Variants in PDE10A observed in about 807,000 individuals in gnomAD.
PDE10A encodes cAMP and cAMP-inhibited cGMP 3',5'-cyclic phosphodiesterase 10A.
Under a neutral mutation model 97.7 loss-of-function variants are expected in PDE10A, and 39 were observed. The ratio of observed to expected loss-of-function variants is 0.40; its 90% CI spans 0.31 to 0.52. The LOEUF (loss-of-function observed/expected upper bound fraction) is 0.52, where lower values mean the gene tolerates loss of function less well. PDE10A is among the 20% of genes least tolerant of loss of function. The pLI is 0.56. For missense variants in PDE10A, 731 were observed against 1,047.8 expected (o/e 0.70, Z 4.17); for synonymous variants, 371 against 376.8 (o/e 0.98, Z 0.18).
intron 1 of PDE10A, among the ~76,000 whole-genome samples, chr6:165,695,426 T>C (rs532094266): frequency 6.6e-6 from 1 of 152,254 alleles, no homozygotes; most frequent in South Asian, 2.1e-4. Flanking sequence ...TGCCAAAGAC[T>C]GCAGCCAAGA....
intron 1 of PDE10A, among the ~76,000 whole-genome samples, chr6:165,710,901 T>C (rs987281579): frequency 1.3e-5 from 2 of 152,228 alleles, no homozygotes; most frequent in East Asian, 3.8e-4. Flanking sequence ...TTCCTAATCA[T>C]AGGCAATTTT....
intron 1 of PDE10A, among the ~76,000 whole-genome samples, chr6:165,816,869 CAGTGGAAG>C: frequency 6.6e-6 from 1 of 151,940 alleles, no homozygotes; most frequent in East Asian, 1.9e-4. Context: ...ACAAGGGGGA[CAGTGGAAG>C]AGTGCAGGCA....
intron 2 of PDE10A, among the ~76,000 whole-genome samples, chr6:165,510,923 T>G (rs1418902743): frequency 1.3e-5 from 2 of 151,968 alleles, no homozygotes; most frequent in Non-Finnish European, 2.9e-5. Context: ...TCTCTCTTAG[T>G]CTAACTAATG....
chr6:165,681,038 T>C (rs1790961428), intron 1 of PDE10A, among the ~76,000 whole-genome samples: 1 of 152,232 alleles, frequency 6.6e-6, no homozygotes, highest in South Asian at 2.1e-4. Flanking sequence ...CAAGTTACTT[T>C]GTAAATTGCA....
At chr6:165,922,366 T>G (rs1267077685) in intron 1 of PDE10A, among the ~76,000 whole-genome samples, 1 of 152,182 alleles carries the variant, frequency 6.6e-6, no homozygotes, top group African/African-American at 2.4e-5. Context: ...CTTCCCCTGC[T>G]GTCCGCTCCT....
chr6:165,539,917 C>A (rs1210731888), intron 2 of PDE10A, among the ~76,000 whole-genome samples: 1 of 139,806 alleles, frequency 7.2e-6, no homozygotes. Context: ...CAGAGCAACA[C>A]TTTGCTCAAA....
chr6:165,790,582 G>A (rs1778619558), intron 1 of PDE10A, among the ~76,000 whole-genome samples: 1 of 152,138 alleles, frequency 6.6e-6, no homozygotes, highest in African/African-American at 2.4e-5. Context: ...GGGGTAAGTT[G>A]CCCAGAGACA....
intron 1 of PDE10A, among the ~76,000 whole-genome samples, chr6:165,895,911 C>T (rs1422775924): frequency 6.6e-6 from 1 of 152,138 alleles, no homozygotes; most frequent in Non-Finnish European, 1.5e-5. Flanking sequence ...TTGCACAATC[C>T]CACCTCCAGG....
intron 1 of PDE10A, among the ~76,000 whole-genome samples, chr6:165,689,589 C>G (rs937135619): frequency 4.6e-5 from 7 of 152,114 alleles, no homozygotes; most frequent in Admixed American, 6.5e-5. Flanking sequence ...TTAAAAGGAG[C>G]CTGGCACCTT....
chr6:165,585,622 A>G (rs1300817747), intron 1 of PDE10A, among the ~76,000 whole-genome samples: 1 of 152,100 alleles, frequency 6.6e-6, no homozygotes, highest in Non-Finnish European at 1.5e-5. Flanking sequence ...AATAGGCAGG[A>G]AAGGACTCTC....
chr6:165,731,228 T>G (rs1792428190), intron 1 of PDE10A, among the ~76,000 whole-genome samples: 1 of 151,582 alleles, frequency 6.6e-6, no homozygotes, highest in Non-Finnish European at 1.5e-5. Flanking sequence ...TGGGCAAAAA[T>G]GAGAGACAAG....
At chr6:165,744,669 T>G (rs948430606) in intron 1 of PDE10A, among the ~76,000 whole-genome samples, 4 of 152,194 alleles carry the variant, frequency 2.6e-5, no homozygotes, top group African/African-American at 9.7e-5. Flanking sequence ...TGAACACTCA[T>G]GTATTCCACA....
intron 19 of PDE10A, among the ~76,000 whole-genome samples, chr6:165,340,853 G>A (rs910332765): frequency 1.3e-5 from 2 of 152,132 alleles, no homozygotes; most frequent in Non-Finnish European, 2.9e-5. Context: ...TCCACACGGA[G>A]GTCATGATTT....
intron 1 of PDE10A, among the ~76,000 whole-genome samples, chr6:165,813,739 A>G (rs1779338725): frequency 6.6e-6 from 1 of 152,158 alleles, no homozygotes; most frequent in African/African-American, 2.4e-5. Context: ...TCAAAGACCT[A>G]AGAGAAGATA....
chr6:165,642,868 A>T (rs1197121477), intron 1 of PDE10A, among the ~76,000 whole-genome samples: 1 of 152,232 alleles, frequency 6.6e-6, no homozygotes, highest in Non-Finnish European at 1.5e-5. Context: ...TAAAAATTGT[A>T]TCACAAGTTT....
chr6:165,392,863 T>C, intron 15 of PDE10A, 67 bp from the exon 16 acceptor site: 1 of 1,400,816 alleles, frequency 7.1e-7, no homozygotes, highest in Non-Finnish European at 1.0e-6. Context: ...GAGAACTCCC[T>C]AGTTTAGGTA....
intron 1 of PDE10A, among the ~76,000 whole-genome samples, chr6:165,585,515 G>C (rs1785857605): frequency 6.6e-6 from 1 of 152,156 alleles, no homozygotes; most frequent in African/African-American, 2.4e-5. Context: ...ATTTTTGAGA[G>C]AGAAGTGCAC....
chr6:165,647,876 C>T (rs900546933), intron 1 of PDE10A, among the ~76,000 whole-genome samples: 1 of 152,220 alleles, frequency 6.6e-6, no homozygotes. Context: ...TATATATTAT[C>T]TCATTTAATC....
chr6:165,553,387 T>C (rs1004763059), intron 1 of PDE10A, among the ~76,000 whole-genome samples: 18 of 152,162 alleles, frequency 1.2e-4, no homozygotes, highest in Non-Finnish European at 2.9e-5. Context: ...GTTAACTCGA[T>C]TGACTAGTAC....
Sources: gnomAD v4.1 joint callset for allele counts (sites outside exome capture counted in the v4.1 genomes callset) on GRCh38, gnomAD v4.1.1 for gene constraint, MANE v1.5 for transcripts, NCBI Gene and HGNC (gene_info 2026-07-23, HGNC 2026-07-21) for gene names.